The following SLC61A1 variants were observed in gnomAD, a reference collection of about 807,000 sequenced individuals.
The protein encoded by SLC61A1 is solute carrier family 61 member 1, also known as major facilitator superfamily domain containing 5.
At chr12:53,253,044 A>G in the SLC61A1 span, 1 of 1,614,190 alleles carries the variant, frequency 6.2e-7, no homozygotes, top group Non-Finnish European at 8.5e-7. Context: ...TACCAGCATT[A>G]CTACTTCCTG....
chr12:53,251,419 G>T, the SLC61A1 span: 1 of 316,760 alleles, frequency 3.2e-6, no homozygotes. Flanking sequence ...GAGATGATAC[G>T]GAAGCTGTAG....
chr12:53,252,121 C>G, the SLC61A1 span: 1 of 1,445,878 alleles, frequency 6.9e-7, no homozygotes, highest in Non-Finnish European at 9.0e-7. Flanking sequence ...ATGGCGGCGG[C>G]CAGAGGCCTG....
At chr12:53,251,624 G>A in the SLC61A1 span, 1 of 1,182,030 alleles carries the variant, frequency 8.5e-7, no homozygotes, top group Non-Finnish European at 1.2e-6. Context: ...CCACACAGCT[G>A]GTAAGTGACA....
chr12:53,254,347 G>A, the SLC61A1 span: 2 of 848,144 alleles, frequency 2.4e-6, no homozygotes, highest in East Asian at 5.3e-5. Flanking sequence ...CTGGAAAGAA[G>A]GTGCCAAAAG....
At chr12:53,252,760 C>T in the SLC61A1 span, 1 of 1,564,874 alleles carries the variant, frequency 6.4e-7, no homozygotes, top group Non-Finnish European at 8.6e-7. Context: ...TTAAGACAGC[C>T]CCTTGACCGT....
the SLC61A1 span, chr12:53,251,606 G>A: frequency 4.1e-6 from 4 of 978,990 alleles, 1 homozygote; most frequent in South Asian, 7.0e-5. Flanking sequence ...TATGCGGCTT[G>A]CCCAAGGCCA....
chr12:53,252,017 T>C, the SLC61A1 span: 4 of 1,309,744 alleles, frequency 3.1e-6, no homozygotes, highest in Non-Finnish European at 4.0e-6. Context: ...ACCCCAGGCG[T>C]CAGGAGTTCC....
At chr12:53,253,668 GGGCCCCTC>G in the SLC61A1 span, 5 of 1,614,018 alleles carry the variant, frequency 3.1e-6, no homozygotes, top group Non-Finnish European at 4.2e-6. Flanking sequence ...GACCCACACG[GGGCCCCTC>G]TGGGCATTAT....
At chr12:53,252,981 A>T in the SLC61A1 span, 2 of 1,614,176 alleles carry the variant, frequency 1.2e-6, no homozygotes, top group African/African-American at 2.7e-5. Context: ...TATCAGGTCT[A>T]CTTCCTGGCC....
At chr12:53,252,015 C>G in the SLC61A1 span, 48 of 1,300,590 alleles carry the variant, frequency 3.7e-5, no homozygotes, top group African/African-American at 6.3e-5. Flanking sequence ...CCACCCCAGG[C>G]GTCAGGAGTT....
chr12:53,252,353 G>T, the SLC61A1 span: 3 of 1,342,408 alleles, frequency 2.2e-6, no homozygotes, highest in Non-Finnish European at 2.9e-6. Context: ...CAGTGACCTG[G>T]AGGAGTGGGC....
At chr12:53,254,128 G>C in the SLC61A1 span, 3 of 1,614,062 alleles carry the variant, frequency 1.9e-6, no homozygotes, top group East Asian at 2.2e-5. Context: ...CCGTGGTAAG[G>C]CATGATGCTG....
the SLC61A1 span, chr12:53,253,291 T>C: frequency 6.2e-7 from 1 of 1,614,276 alleles, no homozygotes; most frequent in Non-Finnish European, 8.5e-7. Flanking sequence ...AGGCCTGGTA[T>C]ATCCATGAGC....
At chr12:53,254,290 C>T in the SLC61A1 span, 1 of 1,396,088 alleles carries the variant, frequency 7.2e-7, no homozygotes, top group Non-Finnish European at 9.7e-7. Flanking sequence ...CCTGTGGTTT[C>T]TCCTGCCATT....
the SLC61A1 span, chr12:53,254,020 C>G: frequency 1.2e-6 from 2 of 1,614,198 alleles, no homozygotes; most frequent in South Asian, 2.2e-5. Context: ...GGCTCCTTGT[C>G]CTCCATGACA....
At chr12:53,252,834 C>A in the SLC61A1 span, 1 of 1,613,686 alleles carries the variant, frequency 6.2e-7, no homozygotes. Flanking sequence ...CGGGGGCCCA[C>A]CATGCTGGTG....
At chr12:53,251,992 G>T in the SLC61A1 span, 1 of 1,275,484 alleles carries the variant, frequency 7.8e-7, no homozygotes, top group Non-Finnish European at 1.0e-6. Context: ...TCCTATGGTC[G>T]CCCCTTCCCG....
At chr12:53,252,623 C>T in the SLC61A1 span, 4 of 1,217,386 alleles carry the variant, frequency 3.3e-6, no homozygotes, top group Middle Eastern at 2.9e-4. Context: ...CTTACCCCTC[C>T]CTGCCCCACA....
At chr12:53,253,548 G>A in the SLC61A1 span, 2 of 1,614,154 alleles carry the variant, frequency 1.2e-6, no homozygotes, top group South Asian at 1.1e-5. Context: ...ACCTGTGCTG[G>A]AGGCCTGCGC....
Sources: gnomAD v4.1 joint callset for allele counts on GRCh38, gnomAD v4.1.1 for gene constraint, MANE v1.5 for transcripts, NCBI Gene and HGNC (gene_info 2026-07-23, HGNC 2026-07-21) for gene names.